ADAMTSL3: variants seen among roughly 807,000 people sequenced by gnomAD.
ADAMTSL3 encodes the protein ADAMTS-like protein 3.
In ADAMTSL3, 128 loss-of-function variants were observed where a neutral mutation model predicts 201.7. The ratio of observed to expected loss-of-function variants is 0.63; its 90% confidence interval spans 0.55 to 0.73. ADAMTSL3 has a LOEUF of 0.73. Ranked by LOEUF, ADAMTSL3 falls within the 30% of genes least tolerant of loss-of-function variation. The pLI, the probability that ADAMTSL3 is intolerant of heterozygous loss-of-function variation, is 0.00. For missense variants in ADAMTSL3, 1,990 were observed against 2,119.6 expected, an observed-to-expected ratio of 0.94 and a Z score of 1.20; for synonymous variants, 738 against 748.4, an observed-to-expected ratio of 0.99 and a Z score of 0.23.
intron 6 of ADAMTSL3, among the ~76,000 whole-genome samples, chr15:83,829,656 G>A (rs1418429809): frequency 2.0e-5 from 3 of 152,006 alleles, no homozygotes; most frequent in African/African-American, 4.8e-5. Context: ...TTTCTCTTGT[G>A]GGCATTTAGT....
At chr15:83,980,153 G>A (rs1461249834) in intron 20 of ADAMTSL3, among the ~76,000 whole-genome samples, 2 of 152,128 alleles carry the variant, frequency 1.3e-5, no homozygotes, top group Non-Finnish European at 2.9e-5. Flanking sequence ...GACATGGTCA[G>A]AAATATGGTC....
At chr15:83,692,977 C>T (rs1327042287) in intron 2 of ADAMTSL3, among the ~76,000 whole-genome samples, 1 of 152,148 alleles carries the variant, frequency 6.6e-6, no homozygotes, top group Non-Finnish European at 1.5e-5. Flanking sequence ...CTTGAATAAA[C>T]ATGAATGTGT....
At chr15:83,719,926 G>GA (rs1458894547) in intron 3 of ADAMTSL3, among the ~76,000 whole-genome samples, 1 of 152,044 alleles carries the variant, frequency 6.6e-6, no homozygotes, top group Non-Finnish European at 1.5e-5. Flanking sequence ...TTTTTCAAGA[G>GA]AAAAAATATT....
Position 83,903,917 on chromosome 15 carries a change from CAAAAAAAAAAA to C in ADAMTSL3, c.1700+4203_1700+4213del, listed in dbSNP as rs1168502648. 3.1e-4 allele frequency among the ~76,000 whole-genome samples: 6 copies of C among 19,276 alleles called. No individual in the cohort carries two copies. In the East Asian group the frequency reaches 0.012, roughly 40 times the overall value. 12.6% of individuals were successfully genotyped at this position (19,276 alleles called of 152,430 possible). ...TGGGTGACAGTGCCAGACTCCACAT[CAAAAAAAAAAA>C]AAAAAAAAAAAAAAAAGAAAAAAGA... On this transcript the variant is annotated intron_variant, in intron 15 of 29. Transcript: ENST00000286744.
At chr15:83,806,315 G>T (rs1031337347) in intron 5 of ADAMTSL3, among the ~76,000 whole-genome samples, 1 of 152,118 alleles carries the variant, frequency 6.6e-6, no homozygotes, top group African/African-American at 2.4e-5. Context: ...TCTGGCAAAG[G>T]TGCACCACTA....
At chr15:83,974,363 C>CA (rs746686895) in intron 20 of ADAMTSL3, among the ~76,000 whole-genome samples, 1 of 152,200 alleles carries the variant, frequency 6.6e-6, no homozygotes, top group Non-Finnish European at 1.5e-5. Flanking sequence ...CTCACGGGAC[C>CA]ATTCTGAGAA....
chr15:83,780,423 A>AG (rs61529099), intron 4 of ADAMTSL3, among the ~76,000 whole-genome samples: 1 of 147,952 alleles, frequency 6.8e-6, no homozygotes, highest in Non-Finnish European at 1.5e-5. Context: ...AAAAAAAAAA[A>AG]CAAACTTCTC....
chr15:83,903,948 A>AAAAGAAAG (rs1305997939), intron 15 of ADAMTSL3, among the ~76,000 whole-genome samples: 1 of 102,414 alleles, frequency 9.8e-6, no homozygotes, highest in Non-Finnish European at 2.2e-5. Context: ...AAAAAAAGAA[A>AAAAGAAAG]AAAGAAAGAA....
chr15:83,757,229 G>A (rs2062735886), intron 3 of ADAMTSL3, among the ~76,000 whole-genome samples: 1 of 152,212 alleles, frequency 6.6e-6, no homozygotes. Context: ...TCTCCATGAG[G>A]GCTTGCCCCT....
At chr15:83,926,655 C>A (rs1483496395) in intron 17 of ADAMTSL3, among the ~76,000 whole-genome samples, 1 of 151,366 alleles carries the variant, frequency 6.6e-6, no homozygotes, top group Admixed American at 6.6e-5. Flanking sequence ...CTCTTGTTGC[C>A]CAGGCTGGAG....
chr15:83,820,380 C>G (rs1401730958), intron 6 of ADAMTSL3, among the ~76,000 whole-genome samples: 2 of 152,094 alleles, frequency 1.3e-5, no homozygotes, highest in Non-Finnish European at 2.9e-5. Context: ...GCCGGGCCAT[C>G]GATTAGTGAT....
At position 83,994,598 on chromosome 15, in the gene ADAMTSL3, T is replaced by G. The variant is rs1380849473; in HGVS notation, c.3973+3384T>G. Among the ~76,000 whole-genome samples, 887 of 126,820 alleles carry G rather than the reference T, an allele frequency of 7.0e-3. 9 individuals carry two copies. The highest frequency in any genetic ancestry group is 0.025 in the African/African-American group (823 of 32,594). 83.2% of individuals were successfully genotyped at this position (126,820 alleles called of 152,430 possible). A position where few individuals can be genotyped will look rare whatever the true frequency, so the allele number is the denominator to read the frequency against. ...TTTTTGTTTTTTCGTTTTTTTTTTT[T>G]TTTTTTTTTTTTTTTTGACACAGAA... On this transcript the variant is annotated intron_variant, in intron 23 of 29. Coordinates refer to ENST00000286744, the MANE Select transcript of ADAMTSL3 (RefSeq NM_207517.3).
chr15:83,775,482 T>A (rs1202755000), intron 4 of ADAMTSL3, among the ~76,000 whole-genome samples: 1 of 152,202 alleles, frequency 6.6e-6, no homozygotes, highest in African/African-American at 2.4e-5. Flanking sequence ...GGTTCATTTT[T>A]AAAATTTCTT....
intron 2 of ADAMTSL3, among the ~76,000 whole-genome samples, chr15:83,694,817 G>C (rs78894421): frequency 0.015 from 2,213 of 152,314 alleles, 45 homozygotes; most frequent in African/African-American, 0.05. Context: ...TCCTACAAAA[G>C]ATGTTAGTTA....
chr15:83,789,215 A>AT (rs776188026), intron 4 of ADAMTSL3, among the ~76,000 whole-genome samples: 22 of 151,902 alleles, frequency 1.4e-4, no homozygotes, highest in Non-Finnish European at 2.5e-4. Context: ...ATCTAAATTT[A>AT]TTTTTTCACT....
intron 20 of ADAMTSL3, among the ~76,000 whole-genome samples, chr15:83,979,903 C>T (rs1013853361): frequency 3.3e-5 from 5 of 152,182 alleles, no homozygotes; most frequent in Admixed American, 3.3e-4. Context: ...ATTCATGGTA[C>T]ATGCTGGGGT....
intron 7 of ADAMTSL3, among the ~76,000 whole-genome samples, chr15:83,845,082 T>C (rs1190273557): frequency 6.6e-6 from 1 of 152,244 alleles, no homozygotes; most frequent in African/African-American, 2.4e-5. Flanking sequence ...CTGGACCATG[T>C]GTCTCCCTGC....
rs2064742598 is a variant in ADAMTSL3, at chr15:83,856,702, A to G, written c.728-2064A>G. 2.6e-5 allele frequency among the ~76,000 whole-genome samples: 4 copies of G among 152,274 alleles called. No homozygotes were observed. The Middle Eastern group carries it at 0.014, about 518-fold the overall frequency. On this transcript the variant is annotated intron_variant, in intron 7 of 29. Transcript: ENST00000286744. ...TTGTAGAGCAAAAACAGCCTTATCC[A>G]TTCATCCATAGACAGATACTTAGGT...
chr15:83,847,183 G>T (rs183738351), intron 7 of ADAMTSL3, among the ~76,000 whole-genome samples: 1 of 152,332 alleles, frequency 6.6e-6, no homozygotes, highest in East Asian at 1.9e-4. Context: ...GCAGCCGATT[G>T]TTCTCAACAA....
Sources: gnomAD v4.1 joint callset for allele counts (sites outside exome capture counted in the v4.1 genomes callset) on GRCh38, gnomAD v4.1.1 for gene constraint, MANE v1.5 for transcripts, NCBI Gene and HGNC (gene_info 2026-07-23, HGNC 2026-07-21) for gene names.